The following LRP8 variants were observed in gnomAD, a reference collection of about 807,000 sequenced individuals.
LRP8 encodes low-density lipoprotein receptor-related protein 8.
In LRP8, 46 loss-of-function variants were observed where a neutral mutation model predicts 111.6. The observed-to-expected ratio is 0.41, with a 90% CI of 0.33 to 0.53. The LOEUF is 0.53. LRP8 is among the 20% of genes least tolerant of loss of function. The pLI is 0.20. For synonymous variants in LRP8, 464 were observed against 511.2 expected (o/e 0.91, Z 1.24); for missense variants, 959 against 1,297.4 (o/e 0.74, Z 4.01).
chr1:53,314,654 G>A (rs994923955), intron 2 of LRP8, among the ~76,000 whole-genome samples: 5 of 152,300 alleles, frequency 3.3e-5, no homozygotes, highest in South Asian at 2.1e-4. Flanking sequence ...GTCCAGGGGC[G>A]GGGAGCTGCT....
At chr1:53,316,333 C>CA (rs964870972) in intron 2 of LRP8, among the ~76,000 whole-genome samples, 1 of 152,058 alleles carries the variant, frequency 6.6e-6, no homozygotes, top group African/African-American at 2.4e-5. Context: ...GGGAGGGAGA[C>CA]AAAAGAGTGT....
chr1:53,273,799 A>G (rs895593240), intron 6 of LRP8, among the ~76,000 whole-genome samples: 1 of 152,084 alleles, frequency 6.6e-6, no homozygotes, highest in Non-Finnish European at 1.5e-5. Flanking sequence ...GGAAGGAAAT[A>G]TGCTCTTCCT....
intron 2 of LRP8, among the ~76,000 whole-genome samples, chr1:53,295,126 A>G (rs924957976): frequency 1.3e-5 from 2 of 152,032 alleles, no homozygotes; most frequent in Admixed American, 1.3e-4. Flanking sequence ...TCCCAATCCC[A>G]CTTTGTAGCC....
chr1:53,250,112 AATTATACCACTGTATGTTAGTATCTCT>A lies in LRP8; in HGVS notation c.2676+551_2677-557del, dbSNP rs1300080529. ...GCTTCCACCACGGCATTCAGCACAC[AATTATACCACTGTATGTTAGTATCTCT>A]AACTCCCTACCAGCTTCTTGGGAGC... On this transcript the variant is annotated intron_variant, in intron 17 of 18. Transcript: ENST00000306052. This position sits in a 1 kb window ranked among gnomAD's most constrained non-coding sequence, Gnocchi z 4.6. 6.6e-6 allele frequency among the ~76,000 whole-genome samples: 1 copy of A among 152,210 alleles called. No homozygotes were observed. Among genetic ancestry groups the A allele is most frequent in the Non-Finnish European group, 1.5e-5 (1 of 68,038 alleles).
At chr1:53,248,545 T>C (rs2100333585) in intron 18 of LRP8, among the ~76,000 whole-genome samples, 1 of 152,390 alleles carries the variant, frequency 6.6e-6, no homozygotes, top group Admixed American at 6.5e-5. Context: ...TTCCTGGCTA[T>C]GACCTTAGGC....
intron 6 of LRP8, chr1:53,272,456 C>T: frequency 1.5e-6 from 1 of 648,430 alleles, no homozygotes; most frequent in South Asian, 1.7e-5. Flanking sequence ...GGCTCATGCA[C>T]TGCCACTCCA....
chr1:53,254,436 C>T (rs762376869), intron 16 of LRP8, among the ~76,000 whole-genome samples: 77 of 152,036 alleles, frequency 5.1e-4, no homozygotes, highest in Non-Finnish European at 9.7e-4. Context: ...TAGGAAACCT[C>T]CTCTTCCCTC....
chr1:53,301,449 T>C (rs891135662), intron 2 of LRP8, among the ~76,000 whole-genome samples: 2 of 152,144 alleles, frequency 1.3e-5, no homozygotes, highest in African/African-American at 4.8e-5. Flanking sequence ...TGGCCAGGCA[T>C]GGTGGCGCAC....
chr1:53,246,819 C>A lies in LRP8; in HGVS notation c.*199G>T. ...GTATAAAACATTATACATAGAAAAA[C>A]TCTCACATCCTTTGGATGTTTGCAG... On this transcript the variant is annotated 3_prime_UTR_variant, in exon 19 of 19. Coordinates refer to ENST00000306052, the MANE Select transcript of LRP8 (RefSeq NM_004631.5). 3.5e-6 allele frequency: 2 copies of A among 572,350 alleles called. No individual in the cohort carries two copies. Among genetic ancestry groups the A allele is most frequent in the Admixed American group, 3.9e-5 (1 of 25,562 alleles). The allele number at this position is 572,350 out of a possible 1,614,324, so 35.5% of individuals were successfully genotyped here.
chr1:53,257,176 C>A, intron 15 of LRP8, 64 bp downstream of exon 15: 1 of 1,474,528 alleles, frequency 6.8e-7, no homozygotes, highest in Non-Finnish European at 9.4e-7. Context: ...TATCACATAC[C>A]CCCTTCCTGG....
intron 2 of LRP8, among the ~76,000 whole-genome samples, chr1:53,322,836 T>C (rs1654690581): frequency 6.6e-6 from 1 of 152,136 alleles, no homozygotes; most frequent in African/African-American, 2.4e-5. Flanking sequence ...GCTTTAATTA[T>C]TTATGAGGCT....
chr1:53,290,294 T>TTCCTCCTCC (rs146311099), intron 2 of LRP8, among the ~76,000 whole-genome samples: 3 of 150,892 alleles, frequency 2.0e-5, no homozygotes, highest in African/African-American at 4.9e-5. Flanking sequence ...TCAATCCCAC[T>TTCCTCCTCC]TCCTCCTCCT....
rs1010290285 is a variant in LRP8 at position 53,257,548 on chromosome 1, A to G, written c.2210-84T>C. ...GCCTCTGAGATATACTTAGGAACTTATCTTCATGGCGTAGCTCAAATGCCA... is the reference window on the plus strand; with the variant it reads ...GCCTCTGAGATATACTTAGGAACTTGTCTTCATGGCGTAGCTCAAATGCCA... On this transcript the variant is annotated intron_variant, in intron 14 of 18. Coordinates refer to ENST00000306052, the MANE Select transcript of LRP8 (RefSeq NM_004631.5). 52 of 1,027,730 alleles carry G rather than the reference A, an allele frequency of 5.1e-5. 1 individual carries two copies. The Admixed American group carries it at 5.9e-4, about 12-fold the overall frequency. The allele number at this position is 1,027,730 out of a possible 1,614,324, so 63.7% of individuals were successfully genotyped here. A position where few individuals can be genotyped will look rare whatever the true frequency, so the allele number is the denominator to read the frequency against.
At chr1:53,309,670 T>C (rs917287380) in intron 2 of LRP8, among the ~76,000 whole-genome samples, 2 of 152,134 alleles carry the variant, frequency 1.3e-5, no homozygotes, top group Non-Finnish European at 2.9e-5. Flanking sequence ...TGTTTTTCAA[T>C]GACTAAGGCA....
chr1:53,314,164 C>A (rs1161610682), intron 2 of LRP8, among the ~76,000 whole-genome samples: 1 of 152,202 alleles, frequency 6.6e-6, no homozygotes, highest in African/African-American at 2.4e-5. Flanking sequence ...CACAGCCCCC[C>A]AGTGCTATGT....
In LRP8 at chr1:53,250,576, G is replaced by A. The variant is rs71654991; in HGVS notation, c.2676+114C>T. The A allele has an allele frequency of 6.9e-6, 6 of 868,856 alleles. No homozygotes were observed. Among genetic ancestry groups the A allele is most frequent in the Admixed American group, 2.2e-5 (1 of 44,604 alleles). The allele number at this position is 868,856 out of a possible 1,614,324, so 53.8% of individuals were successfully genotyped here. A position where few individuals can be genotyped will look rare whatever the true frequency, so the allele number is the denominator to read the frequency against. On this transcript the variant is annotated intron_variant, in intron 17 of 18. Coordinates refer to ENST00000306052, the MANE Select transcript of LRP8 (RefSeq NM_004631.5). This position sits in a 1 kb window ranked among gnomAD's most constrained non-coding sequence, Gnocchi z 4.6. ...GAAGGAAAGGAGGGAGGGAAGGACGGAAGGAAGGAAGGGAGGGAAGAAAGG... is the reference window on the plus strand; with the variant it reads ...GAAGGAAAGGAGGGAGGGAAGGACGAAAGGAAGGAAGGGAGGGAAGAAAGG...
intron 15 of LRP8, among the ~76,000 whole-genome samples, chr1:53,256,951 C>T (rs540108107): frequency 8.5e-5 from 13 of 152,352 alleles, no homozygotes; most frequent in Admixed American, 2.0e-4. Flanking sequence ...CTTTGTCTAT[C>T]ATGGCAATCT....
intron 6 of LRP8, among the ~76,000 whole-genome samples, chr1:53,272,950 G>A (rs1393128533): frequency 6.6e-6 from 1 of 152,204 alleles, no homozygotes; most frequent in East Asian, 1.9e-4. Context: ...TGATGAAGTG[G>A]CATGTGTAGG....
At position 53,243,883 on chromosome 1, in the gene LRP8, C is replaced by T. The variant is rs994974976; in HGVS notation, c.*3135G>A. The T allele has an allele frequency of 4.6e-5, 7 of 152,214 alleles. No homozygotes were observed. Among genetic ancestry groups the T allele is most frequent in the Admixed American group, 6.5e-5 (1 of 15,278 alleles). 9.4% of individuals were successfully genotyped at this position (152,214 alleles called of 1,614,324 possible). ...CCTTTTTTGTTTCCACATATATCAT[C>T]CTCCACTGCTACTGTGAACTCTGTA... On this transcript the variant is annotated 3_prime_UTR_variant, in exon 19 of 19. Coordinates refer to ENST00000306052, the MANE Select transcript of LRP8 (RefSeq NM_004631.5).
Sources: allele counts gnomAD v4.1 joint callset (sites outside exome capture counted in the v4.1 genomes callset), GRCh38; gene constraint gnomAD v4.1.1; non-coding constraint Gnocchi (gnomAD v3.1); transcripts MANE v1.5; gene names NCBI Gene and HGNC (gene_info 2026-07-23, HGNC 2026-07-21).